CTNND2: variants seen among roughly 807,000 people sequenced by gnomAD.
CTNND2 encodes catenin delta-2.
Under a neutral mutation model 144.4 loss-of-function variants are expected in CTNND2, and 22 were observed. That is an observed-to-expected ratio of 0.15 (90% CI 0.11 to 0.22). The LOEUF is 0.22. Among genes scored for constraint, CTNND2 ranks in the 10% least tolerant of loss-of-function variants. The pLI, the probability that CTNND2 is intolerant of heterozygous loss-of-function variation, is 1.00. For synonymous variants in CTNND2, 751 were observed against 695.6 expected (o/e 1.08, Z -1.25); for missense variants, 1,353 against 1,618.8 (o/e 0.84, Z 2.82).
chr5:11,332,476 GGT>G, intron 9 of CTNND2, among the ~76,000 whole-genome samples: 1 of 151,904 alleles, frequency 6.6e-6, no homozygotes, highest in East Asian at 1.9e-4. Context: ...TATTTATGAT[GGT>G]AAAATATACA....
At chr5:11,562,312 A>C (rs6867307) in intron 3 of CTNND2, among the ~76,000 whole-genome samples, 1 of 152,266 alleles carries the variant, frequency 6.6e-6, no homozygotes, top group South Asian at 2.1e-4. Context: ...TTGACGTTCT[A>C]TTTTTGTTTA....
chr5:11,790,391 A>G (rs1791069140), intron 1 of CTNND2, among the ~76,000 whole-genome samples: 1 of 152,106 alleles, frequency 6.6e-6, no homozygotes. Context: ...TGACAATGTC[A>G]TAGAGGTGTA....
At chr5:11,212,449 G>A (rs1014454267) in intron 10 of CTNND2, among the ~76,000 whole-genome samples, 3 of 152,184 alleles carry the variant, frequency 2.0e-5, no homozygotes, top group Admixed American at 1.3e-4. Context: ...GTAGGTCCAC[G>A]CTTTTTAAAG....
At chr5:11,182,275 C>T (rs1239407695) in intron 11 of CTNND2, among the ~76,000 whole-genome samples, 3 of 151,346 alleles carry the variant, frequency 2.0e-5, no homozygotes, top group East Asian at 1.9e-4. Context: ...TGCACACACC[C>T]GGGCATGTAT....
chr5:11,875,054 T>C (rs955211406), intron 1 of CTNND2, among the ~76,000 whole-genome samples: 1 of 152,230 alleles, frequency 6.6e-6, no homozygotes, highest in Non-Finnish European at 1.5e-5. Context: ...TGACCTCATA[T>C]AGTAATCATG....
At chr5:11,452,740 GA>G (rs918179248) in intron 3 of CTNND2, among the ~76,000 whole-genome samples, 36 of 151,858 alleles carry the variant, frequency 2.4e-4, no homozygotes, top group African/African-American at 7.7e-4. Context: ...GTTTCAGAAA[GA>G]AAAAAAATAC....
chr5:11,427,933 T>C (rs369412806), intron 3 of CTNND2, among the ~76,000 whole-genome samples: 4 of 152,180 alleles, frequency 2.6e-5, no homozygotes, highest in South Asian at 4.1e-4. Context: ...TCCACATGGC[T>C]GGGGAGGCCT....
chr5:11,873,619 T>A (rs1388836460), intron 1 of CTNND2, among the ~76,000 whole-genome samples: 1 of 152,194 alleles, frequency 6.6e-6, no homozygotes, highest in African/African-American at 2.4e-5. Flanking sequence ...TTAAGAAATA[T>A]CAGATGGAAT....
intron 3 of CTNND2, among the ~76,000 whole-genome samples, chr5:11,436,174 T>G (rs31821): frequency 0.23 from 34,404 of 151,754 alleles, 7,594 homozygotes; most frequent in African/African-American, 0.58. Flanking sequence ...TACACTGTTG[T>G]TTGGAAGAAC....
intron 3 of CTNND2, among the ~76,000 whole-genome samples, chr5:11,542,900 T>C (rs1194728007): frequency 3.3e-5 from 5 of 152,220 alleles, no homozygotes; most frequent in Non-Finnish European, 7.3e-5. Flanking sequence ...AGGATGTCCC[T>C]GCATTTCATT....
In CTNND2 at chr5:11,236,766, C is replaced by T. The variant is rs745996573; in HGVS notation, c.1686G>A (p.Gln562=). 3.7e-6 allele frequency: 6 copies of T among 1,614,072 alleles called. No homozygotes were observed. The African/African-American group carries it at 6.7e-5, about 18-fold the overall frequency. Residue 562 remains glutamine, a synonymous_variant, in exon 10 of 22, where the codon CAG becomes CAA. Transcript: ENST00000304623. ...CCGCGTTAGACTGGACCGAGGGAAACTGGTGCTGCAACATCTGAATCACTT... is the reference window on the plus strand; with the variant it reads ...CCGCGTTAGACTGGACCGAGGGAAATTGGTGCTGCAACATCTGAATCACTT... The part of the protein sequence containing the change: ...LPEVIQMLQH[Q]FPSVQSNAAA...
chr5:11,657,443 T>C (rs1023833843), intron 2 of CTNND2, among the ~76,000 whole-genome samples: 1 of 152,148 alleles, frequency 6.6e-6, no homozygotes, highest in Admixed American at 6.6e-5. Context: ...CCTTCCTTCT[T>C]CTTTCTCTCT....
intron 1 of CTNND2, among the ~76,000 whole-genome samples, chr5:11,750,457 G>C (rs1788548718): frequency 6.6e-6 from 1 of 151,904 alleles, no homozygotes; most frequent in African/African-American, 2.4e-5. Context: ...TTTTGGTATT[G>C]TTTGTTACTT....
intron 11 of CTNND2, among the ~76,000 whole-genome samples, chr5:11,164,773 C>A (rs1382446588): frequency 6.6e-6 from 1 of 152,172 alleles, no homozygotes; most frequent in Non-Finnish European, 1.5e-5. Flanking sequence ...TCTAGTCTAC[C>A]TTCCCAGATG....
At chr5:11,721,197 C>T (rs1315240076) in intron 2 of CTNND2, among the ~76,000 whole-genome samples, 1 of 152,108 alleles carries the variant, frequency 6.6e-6, no homozygotes, top group Non-Finnish European at 1.5e-5. Context: ...TTATGATAAG[C>T]AATATAAGCC....
At chr5:11,273,010 A>G (rs934638492) in intron 9 of CTNND2, among the ~76,000 whole-genome samples, 3 of 152,184 alleles carry the variant, frequency 2.0e-5, no homozygotes, top group African/African-American at 4.8e-5. Flanking sequence ...TCTCACAAAA[A>G]ATAATCCCAT....
intron 3 of CTNND2, among the ~76,000 whole-genome samples, chr5:11,517,386 T>C (rs1337659534): frequency 1.3e-5 from 2 of 152,212 alleles, no homozygotes; most frequent in Non-Finnish European, 2.9e-5. Flanking sequence ...CTGTCTAAAT[T>C]CTTCTCTCTA....
At chr5:11,747,675 C>T (rs1445991225) in intron 1 of CTNND2, among the ~76,000 whole-genome samples, 3 of 152,088 alleles carry the variant, frequency 2.0e-5, no homozygotes, top group Admixed American at 6.6e-5. Flanking sequence ...GCTTAGATTC[C>T]CTATTTAATC....
chr5:11,243,548 G>T (rs142557490), intron 9 of CTNND2, among the ~76,000 whole-genome samples: 1 of 152,192 alleles, frequency 6.6e-6, no homozygotes, highest in African/African-American at 2.4e-5. Flanking sequence ...AGCCAAACTC[G>T]TAACTCTCAT....
Sources: allele counts gnomAD v4.1 joint callset (sites outside exome capture counted in the v4.1 genomes callset), GRCh38; gene constraint gnomAD v4.1.1; transcripts MANE v1.5; gene names NCBI Gene and HGNC (gene_info 2026-07-23, HGNC 2026-07-21).